ADGRL3: variants seen among roughly 807,000 people sequenced by gnomAD.
ADGRL3 encodes the protein adhesion G protein-coupled receptor L3.
A neutral mutation model predicts 153.5 loss-of-function variants in ADGRL3; 62 were observed. That is an observed-to-expected ratio of 0.40 (90% CI 0.33 to 0.50). The LOEUF (loss-of-function observed/expected upper bound fraction) is 0.50, where lower values mean the gene tolerates loss of function less well. ADGRL3 is among the 20% of genes least tolerant of loss of function. The probability of loss-of-function intolerance (pLI) is 0.47; values close to 1 mark genes in which losing one functional copy is unlikely to be tolerated. For missense variants in ADGRL3, 1,641 were observed against 1,859.4 expected, an observed-to-expected ratio of 0.88 and a Z score of 2.16; for synonymous variants, 710 against 672.5, an observed-to-expected ratio of 1.06 and a Z score of -0.86.
chr4:62,006,021 TATATATATA>T (rs1248608185), intron 21 of ADGRL3, among the ~76,000 whole-genome samples: 118 of 103,856 alleles, frequency 1.1e-3, no homozygotes, highest in African/African-American at 4.0e-3. Flanking sequence ...TATATATATA[TATATATATA>T]TATTTTTTTT....
chr4:61,388,594 T>C (rs2096767562), intron 2 of ADGRL3, among the ~76,000 whole-genome samples: 2 of 152,202 alleles, frequency 1.3e-5, no homozygotes, highest in South Asian at 2.1e-4. Flanking sequence ...CTAACACCTC[T>C]TAGGCTACTA....
chr4:61,900,581 G>A (rs1306529949), intron 11 of ADGRL3, among the ~76,000 whole-genome samples: 1 of 152,056 alleles, frequency 6.6e-6, no homozygotes, highest in South Asian at 2.1e-4. Context: ...AAGGAGAAAA[G>A]CATAAGTTGT....
chr4:61,450,722 G>A (rs1352296507), intron 2 of ADGRL3, among the ~76,000 whole-genome samples: 1 of 152,070 alleles, frequency 6.6e-6, no homozygotes, highest in Non-Finnish European at 1.5e-5. Flanking sequence ...GGCAAAAGCA[G>A]CTTGAAATTT....
At chr4:61,468,934 A>G (rs558781051) in intron 2 of ADGRL3, among the ~76,000 whole-genome samples, 1 of 152,288 alleles carries the variant, frequency 6.6e-6, no homozygotes, top group South Asian at 2.1e-4. Flanking sequence ...AAGTATATAT[A>G]CAAAGTTATA....
chr4:61,766,670 G>A (rs1361849510), intron 8 of ADGRL3, among the ~76,000 whole-genome samples: 13 of 152,004 alleles, frequency 8.6e-5, no homozygotes, highest in African/African-American at 1.2e-4. Context: ...GAAGCTTTGC[G>A]GCAGTACAGC....
At chr4:61,924,231 C>G (rs1400351903) in intron 13 of ADGRL3, among the ~76,000 whole-genome samples, 1 of 152,104 alleles carries the variant, frequency 6.6e-6, no homozygotes, top group African/African-American at 2.4e-5. Flanking sequence ...TTCAGGACAA[C>G]TCACTTGATT....
At chr4:61,424,931 A>T (rs779040071) in intron 2 of ADGRL3, among the ~76,000 whole-genome samples, 64 of 152,252 alleles carry the variant, frequency 4.2e-4, no homozygotes, top group Non-Finnish European at 7.8e-4. Flanking sequence ...CATCTAGGCA[A>T]TGTGGGAAGC....
intron 6 of ADGRL3, among the ~76,000 whole-genome samples, chr4:61,706,891 G>A (rs2095866673): frequency 6.6e-6 from 1 of 152,164 alleles, no homozygotes; most frequent in Non-Finnish European, 1.5e-5. Flanking sequence ...TTTTGCACCA[G>A]AAGTCTAACT....
intron 1 of ADGRL3, among the ~76,000 whole-genome samples, chr4:61,206,215 T>A (rs1737132648): frequency 1.3e-5 from 2 of 152,168 alleles, no homozygotes; most frequent in African/African-American, 4.8e-5. Context: ...TAAAAGTGAT[T>A]ACAAATAGGT....
At chr4:62,045,461 A>G (rs1362155364) in intron 25 of ADGRL3, among the ~76,000 whole-genome samples, 2 of 151,896 alleles carry the variant, frequency 1.3e-5, no homozygotes, top group Non-Finnish European at 2.9e-5. Context: ...CCCAAACTAG[A>G]ATTATTATTT....
At chr4:61,829,701 T>TAAA (rs1554041585) in intron 9 of ADGRL3, among the ~76,000 whole-genome samples, 2 of 152,146 alleles carry the variant, frequency 1.3e-5, no homozygotes, top group Admixed American at 1.3e-4. Context: ...CCACTTTTTT[T>TAAA]AAAAAAAGAA....
intron 4 of ADGRL3, among the ~76,000 whole-genome samples, chr4:61,538,277 C>G (rs577039447): frequency 7.4e-4 from 109 of 147,904 alleles, no homozygotes; most frequent in African/African-American, 2.6e-3. Context: ...TAGCTATTGT[C>G]TACGTAGTGG....
chr4:61,236,746 C>A (rs1753000219), intron 1 of ADGRL3, among the ~76,000 whole-genome samples: 2 of 152,132 alleles, frequency 1.3e-5, no homozygotes, highest in East Asian at 1.9e-4. Context: ...GTAATAATTT[C>A]TTTGAAATAT....
chr4:61,697,753 A>G (rs2095668402), intron 6 of ADGRL3, among the ~76,000 whole-genome samples: 1 of 152,174 alleles, frequency 6.6e-6, no homozygotes, highest in African/African-American at 2.4e-5. Context: ...TGTAAGTGGC[A>G]GAGGTATTTT....
chr4:61,352,516 C>T (rs1412668014), intron 1 of ADGRL3, among the ~76,000 whole-genome samples: 1 of 151,906 alleles, frequency 6.6e-6, no homozygotes, highest in Non-Finnish European at 1.5e-5. Context: ...TCCCGAGTAG[C>T]TGGGATTACA....
chr4:61,446,116 C>T (rs946989908), intron 2 of ADGRL3, among the ~76,000 whole-genome samples: 3 of 152,140 alleles, frequency 2.0e-5, no homozygotes, highest in Non-Finnish European at 2.9e-5. Flanking sequence ...GAGAGTGTAT[C>T]TTCATCATTA....
chr4:61,470,205 AC>A (rs1368093138), intron 2 of ADGRL3, among the ~76,000 whole-genome samples: 3 of 152,050 alleles, frequency 2.0e-5, no homozygotes, highest in Non-Finnish European at 4.4e-5. Flanking sequence ...CAAAACCTTT[AC>A]ATGTTTCTCA....
At chr4:61,869,136 G>A (rs909472610) in intron 9 of ADGRL3, among the ~76,000 whole-genome samples, 2 of 151,834 alleles carry the variant, frequency 1.3e-5, no homozygotes, top group Non-Finnish European at 2.9e-5. Flanking sequence ...ATACAAAGGG[G>A]TTTTACCATG....
intron 21 of ADGRL3, among the ~76,000 whole-genome samples, chr4:62,017,438 G>T (rs2099217469): frequency 6.7e-6 from 1 of 150,064 alleles, no homozygotes; most frequent in African/African-American, 2.4e-5. Context: ...ATTTACTTGG[G>T]AGTTTTTTTT....
Sources: allele counts gnomAD v4.1 joint callset (sites outside exome capture counted in the v4.1 genomes callset), GRCh38; gene constraint gnomAD v4.1.1; transcripts MANE v1.5; gene names NCBI Gene and HGNC (gene_info 2026-07-23, HGNC 2026-07-21).